The following PDE1A variants were observed in gnomAD, a reference collection of about 807,000 sequenced individuals.
PDE1A encodes the protein dual specificity calcium/calmodulin-dependent 3',5'-cyclic nucleotide phosphodiesterase 1A.
In PDE1A, 35 loss-of-function variants were observed where a neutral mutation model predicts 61.7. That is an observed-to-expected ratio of 0.57 (90% CI 0.43 to 0.75). PDE1A has a LOEUF of 0.75. Ranked by LOEUF, PDE1A falls within the 30% of genes least tolerant of loss-of-function variation. The probability of loss-of-function intolerance (pLI) is 0.00; values close to 1 mark genes in which losing one functional copy is unlikely to be tolerated. For synonymous variants in PDE1A, 232 were observed against 213.2 expected (o/e 1.09, Z -0.77); for missense variants, 597 against 630.6 (o/e 0.95, Z 0.57).
the PDE1A span, among the ~76,000 whole-genome samples, chr2:182,536,753 A>G: frequency 6.6e-6 from 1 of 152,204 alleles, no homozygotes; most frequent in Non-Finnish European, 1.5e-5. Context: ...ATGCAGCAGA[A>G]GTGATACTCA....
chr2:182,618,549 T>C, the PDE1A span, among the ~76,000 whole-genome samples: 2 of 149,702 alleles, frequency 1.3e-5, no homozygotes, highest in Non-Finnish European at 1.5e-5. Flanking sequence ...AGAATCATTG[T>C]TGAGCTTTGA....
intron 1 of PDE1A, among the ~76,000 whole-genome samples, chr2:182,323,037 C>T (rs1446114166): frequency 2.0e-5 from 3 of 152,128 alleles, no homozygotes; most frequent in African/African-American, 4.8e-5. Context: ...AACTATTCTA[C>T]ATCTTGTAAG....
chr2:182,281,572 C>T (rs2125852658), intron 1 of PDE1A, among the ~76,000 whole-genome samples: 1 of 151,906 alleles, frequency 6.6e-6, no homozygotes, highest in South Asian at 2.1e-4. Flanking sequence ...CCTACTGCTG[C>T]TAAGAAAGAA....
At chr2:182,504,193 C>A (rs1399488820) in intron 2 of PDE1A, among the ~76,000 whole-genome samples, 2 of 152,156 alleles carry the variant, frequency 1.3e-5, no homozygotes, top group Admixed American at 6.5e-5. Flanking sequence ...TCAAGGACAG[C>A]CTTTTCTTTT....
the PDE1A span, among the ~76,000 whole-genome samples, chr2:182,597,094 G>A: frequency 6.6e-6 from 1 of 151,824 alleles, no homozygotes; most frequent in Non-Finnish European, 1.5e-5. Context: ...TGAGGCTGAG[G>A]TGAGCCATGA....
At chr2:182,445,613 C>G (rs1685083674) in intron 2 of PDE1A, among the ~76,000 whole-genome samples, 1 of 152,036 alleles carries the variant, frequency 6.6e-6, no homozygotes, top group Non-Finnish European at 1.5e-5. Flanking sequence ...ATACATAACA[C>G]AGGACTATAA....
the PDE1A span, among the ~76,000 whole-genome samples, chr2:182,598,907 G>C: frequency 6.6e-6 from 1 of 152,200 alleles, no homozygotes; most frequent in Non-Finnish European, 1.5e-5. Context: ...GCTTATCTGT[G>C]CTCCACAGTG....
At chr2:182,185,668 G>T in intron 13 of PDE1A, 1 of 690,360 alleles carries the variant, frequency 1.4e-6, no homozygotes, top group Non-Finnish European at 2.3e-6. Flanking sequence ...AGCACCCACT[G>T]ACACACAGAT....
chr2:182,242,782 C>A (rs1690621404), intron 2 of PDE1A, among the ~76,000 whole-genome samples: 2 of 152,106 alleles, frequency 1.3e-5, no homozygotes, highest in South Asian at 2.1e-4. Context: ...TTCCAGCCTG[C>A]CAGTTTGCTT....
At chr2:182,231,182 C>G (rs140972566) in intron 4 of PDE1A, 51 bp from the exon 5 acceptor site, 2 of 919,266 alleles carry the variant, frequency 2.2e-6, no homozygotes, top group East Asian at 2.4e-5. Flanking sequence ...ACTGTTTCTA[C>G]GAGAATTTAT....
the PDE1A span, among the ~76,000 whole-genome samples, chr2:182,684,806 A>C: frequency 6.6e-6 from 1 of 152,298 alleles, no homozygotes; most frequent in Non-Finnish European, 1.5e-5. Flanking sequence ...TTTTTAATTG[A>C]CCATATAACA....
chr2:182,247,347 G>C (rs1691049690), intron 2 of PDE1A, among the ~76,000 whole-genome samples: 1 of 152,110 alleles, frequency 6.6e-6, no homozygotes, highest in African/African-American at 2.4e-5. Context: ...TTATCACATA[G>C]AGAAGAGTAA....
intron 1 of PDE1A, among the ~76,000 whole-genome samples, chr2:182,367,420 T>C (rs1037775737): frequency 6.6e-6 from 1 of 152,052 alleles, no homozygotes; most frequent in Non-Finnish European, 1.5e-5. Context: ...TCTTCATATG[T>C]TTCAAGTTCA....
the PDE1A span, among the ~76,000 whole-genome samples, chr2:182,621,387 T>G: frequency 1.3e-5 from 2 of 152,158 alleles, no homozygotes; most frequent in East Asian, 1.9e-4. Context: ...AAAGAGCACC[T>G]AATATAATCT....
chr2:182,475,508 C>T (rs1013905734), intron 2 of PDE1A, among the ~76,000 whole-genome samples: 1 of 151,916 alleles, frequency 6.6e-6, no homozygotes, highest in Non-Finnish European at 1.5e-5. Context: ...AATCCACAGC[C>T]AGACTATATG....
At chr2:182,496,206 T>C (rs1688703625) in intron 2 of PDE1A, among the ~76,000 whole-genome samples, 1 of 152,218 alleles carries the variant, frequency 6.6e-6, no homozygotes, top group Admixed American at 6.5e-5. Flanking sequence ...ACTTAAGAGA[T>C]AATATTAAAC....
chr2:182,403,610 A>AAAAG (rs1559425753), intron 1 of PDE1A, among the ~76,000 whole-genome samples: 1 of 151,010 alleles, frequency 6.6e-6, no homozygotes, highest in African/African-American at 2.5e-5. Flanking sequence ...AAAAAAAAAA[A>AAAAG]AAAAGAAAAT....
chr2:182,306,118 G>A (rs957494330), intron 1 of PDE1A, among the ~76,000 whole-genome samples: 18 of 151,990 alleles, frequency 1.2e-4, no homozygotes, highest in Non-Finnish European at 1.9e-4. Flanking sequence ...ATACATAAAT[G>A]AGAACATGTA....
At chr2:182,399,701 A>T (rs1379213718) in intron 1 of PDE1A, among the ~76,000 whole-genome samples, 3 of 151,996 alleles carry the variant, frequency 2.0e-5, no homozygotes, top group Admixed American at 2.0e-4. Context: ...TTTACATCTC[A>T]CTTTTTCAAT....
Sources: allele counts gnomAD v4.1 joint callset (sites outside exome capture counted in the v4.1 genomes callset), GRCh38; gene constraint gnomAD v4.1.1; transcripts MANE v1.5; gene names NCBI Gene and HGNC (gene_info 2026-07-23, HGNC 2026-07-21).